The following MYO10 variants were observed in gnomAD, a reference collection of about 807,000 sequenced individuals.
The protein encoded by MYO10 is myosin X, also known as unconventional myosin-X.
Under a neutral mutation model 257.3 loss-of-function variants are expected in MYO10, and 133 were observed. That is an observed-to-expected ratio of 0.52 (90% CI 0.45 to 0.60). MYO10 has a LOEUF of 0.60. MYO10 is among the 20% of genes least tolerant of loss of function. The probability of loss-of-function intolerance (pLI) is 0.00; values close to 1 mark genes in which losing one functional copy is unlikely to be tolerated. For missense variants in MYO10, 2,399 were observed against 2,635.7 expected, an observed-to-expected ratio of 0.91 and a Z score of 1.97; for synonymous variants, 1,104 against 1,028.6, an observed-to-expected ratio of 1.07 and a Z score of -1.40.
intron 2 of MYO10, among the ~76,000 whole-genome samples, chr5:16,875,220 T>C (rs983903328): frequency 2.0e-5 from 3 of 152,178 alleles, no homozygotes; most frequent in African/African-American, 7.2e-5. Context: ...AACACAGTTT[T>C]GTTAAACGAA....
At position 16,668,850 on chromosome 5, in the gene MYO10, A is replaced by G. The variant is rs190713385; in HGVS notation, c.5884-382T>C. Among the ~76,000 whole-genome samples the G allele has an allele frequency of 3.3e-5, 5 of 152,252 alleles. No homozygotes were observed. In the East Asian group the frequency reaches 7.7e-4, roughly 24 times the overall value. Reference sequence around the variant, plus strand: ...CCAAGCCAAGTCTACTCTTGTATTAATATCTCCAGTTCTGCCTCCAATCCT... The same window carrying G: ...CCAAGCCAAGTCTACTCTTGTATTAGTATCTCCAGTTCTGCCTCCAATCCT... On this transcript the variant is annotated intron_variant, in intron 39 of 40. Coordinates refer to ENST00000513610, the MANE Select transcript of MYO10 (RefSeq NM_012334.3).
Position 16,680,039 on chromosome 5 carries a change from C to T in MYO10, c.4450G>A (p.Glu1484Lys). 3 of 1,613,890 alleles carry T rather than the reference C, an allele frequency of 1.9e-6. No individual in the cohort carries two copies. The highest frequency in any genetic ancestry group is 2.5e-6 in the Non-Finnish European group (3 of 1,179,812). Reference sequence around the variant, plus strand: ...ATGGCACTGGACCACCGGGTGGCCTCGTTGAGCAGCTTGGTGTAGAGCCGG... The same window carrying T: ...ATGGCACTGGACCACCGGGTGGCCTTGTTGAGCAGCTTGGTGTAGAGCCGG... ...CYRLYTKLLN[E>K]ATRWSSAIQN... Residue 1484 changes from glutamate to lysine, a missense_variant, in exon 33 of 41, where the codon GAG (glutamate) becomes AAG (lysine). By Grantham distance (56) the Glu-to-Lys change is moderately conservative (BLOSUM62 1). Coordinates refer to ENST00000513610, the MANE Select transcript of MYO10 (RefSeq NM_012334.3).
At chr5:16,873,170 G>A (rs1744497199) in intron 2 of MYO10, among the ~76,000 whole-genome samples, 1 of 152,104 alleles carries the variant, frequency 6.6e-6, no homozygotes, top group African/African-American at 2.4e-5. Context: ...ATATAATGAG[G>A]GTACAGGTAT....
rs962727329 is a variant in MYO10 at position 16,928,949 on chromosome 5, G to GT, written c.21+6838dup. ...CAAATCAAATAAAAATTAGTGGCAT[G>GT]TTTTTTTTTTGGTTTTTTTTTGAGA... On this transcript the variant is annotated intron_variant, in intron 1 of 40. Transcript: ENST00000513610. Among the ~76,000 whole-genome samples, 952 of 144,648 alleles carry GT rather than the reference G, an allele frequency of 6.6e-3. 13 individuals carry two copies. The highest frequency in any genetic ancestry group is 0.021 in the African/African-American group (852 of 39,682). 94.9% of individuals were successfully genotyped at this position (144,648 alleles called of 152,430 possible). A position where few individuals can be genotyped will look rare whatever the true frequency, so the allele number is the denominator to read the frequency against.
intron 1 of MYO10, among the ~76,000 whole-genome samples, chr5:16,921,778 A>G (rs1745993625): frequency 6.6e-6 from 1 of 152,160 alleles, no homozygotes; most frequent in Non-Finnish European, 1.5e-5. Context: ...GTCTGAAGAC[A>G]GTTGGTTGTC....
chr5:16,700,956 T>C lies in MYO10; in HGVS notation c.3432+7A>G. On this transcript the variant is annotated splice_region_variant and intron_variant, in intron 25 of 40. Coordinates refer to ENST00000513610, the MANE Select transcript of MYO10 (RefSeq NM_012334.3). ...ATTTCACTGGGACACGCCAGGCAGGTACTTACCGAGGACTGCGCCCCCTCA... is the reference window on the plus strand; with the variant it reads ...ATTTCACTGGGACACGCCAGGCAGGCACTTACCGAGGACTGCGCCCCCTCA... 1 of 1,543,746 alleles carries C rather than the reference T, an allele frequency of 6.5e-7. No homozygotes were observed. The highest frequency in any genetic ancestry group is 8.8e-7 in the Non-Finnish European group (1 of 1,141,874).
rs914076908 is a variant in MYO10, at chr5:16,713,562, G to A, written c.1930-2317C>T. The A allele has an allele frequency of 8.5e-5, 72 of 845,490 alleles. No homozygotes were observed. The Middle Eastern group carries it at 2.4e-3, about 29-fold the overall frequency. The allele number at this position is 845,490 out of a possible 1,614,324, so 52.4% of individuals were successfully genotyped here. The stretch of plus-strand genomic sequence containing the variant: ...TTTGACACAGCCAGGGGAGGGGAGG[G>A]AGGGAGCAAGGAGCGGCCTCGAGAT... On this transcript the variant is annotated intron_variant, in intron 19 of 40. Transcript: ENST00000513610.
At chr5:16,717,791 A>G (rs541905420) in intron 19 of MYO10, among the ~76,000 whole-genome samples, 2 of 152,226 alleles carry the variant, frequency 1.3e-5, no homozygotes, top group Non-Finnish European at 2.9e-5. Flanking sequence ...GCACACTGGC[A>G]GTCCTCAGAG....
chr5:16,669,923 T>G (rs1480678280), intron 39 of MYO10, among the ~76,000 whole-genome samples: 1 of 152,182 alleles, frequency 6.6e-6, no homozygotes, highest in Non-Finnish European at 1.5e-5. Flanking sequence ...AGGGAATATA[T>G]CTAAAGGAAT....
intron 2 of MYO10, among the ~76,000 whole-genome samples, chr5:16,848,637 T>C (rs1168852187): frequency 6.6e-6 from 1 of 151,828 alleles, no homozygotes; most frequent in East Asian, 1.9e-4. Context: ...CTCGTCGTTA[T>C]GGCTGCCATT....
In MYO10 at chr5:16,680,113, G is replaced by A; in HGVS notation, c.4385-9C>T. 6.2e-7 allele frequency: 1 copy of A among 1,606,112 alleles called. No homozygotes were observed. On this transcript the variant is annotated splice_polypyrimidine_tract_variant and intron_variant, in intron 32 of 40. Coordinates refer to ENST00000513610, the MANE Select transcript of MYO10 (RefSeq NM_012334.3). Reference sequence around the variant, plus strand: ...GGTGACGTTCCAGTAGCCTGCAATGGCAGGGGTGCCCAGCACACGCACGTC... The same window carrying A: ...GGTGACGTTCCAGTAGCCTGCAATGACAGGGGTGCCCAGCACACGCACGTC...
At chr5:16,754,483 T>C (rs775982476) in intron 19 of MYO10, among the ~76,000 whole-genome samples, 11 of 148,528 alleles carry the variant, frequency 7.4e-5, no homozygotes, top group Non-Finnish European at 1.5e-4. Flanking sequence ...AAAAAAAAAA[T>C]CAGCCACCAC....
intron 3 of MYO10, chr5:16,815,527 A>C: frequency 3.0e-6 from 2 of 674,982 alleles, no homozygotes; most frequent in Non-Finnish European, 5.3e-6. Flanking sequence ...CAACTACAAG[A>C]CTTTGTAATA....
At chr5:16,866,283 G>C (rs1744247232) in intron 2 of MYO10, among the ~76,000 whole-genome samples, 4 of 152,136 alleles carry the variant, frequency 2.6e-5, no homozygotes, top group African/African-American at 9.7e-5. Context: ...CTATTTTAGG[G>C]ATACGCTTTG....
intron 1 of MYO10, among the ~76,000 whole-genome samples, chr5:16,909,627 C>A (rs1051474084): frequency 1.3e-5 from 2 of 151,974 alleles, no homozygotes; most frequent in Admixed American, 6.6e-5. Flanking sequence ...CCTCCAACGA[C>A]ACATGGGGAT....
At chr5:16,881,628 C>G (rs956640518) in intron 1 of MYO10, among the ~76,000 whole-genome samples, 3 of 152,224 alleles carry the variant, frequency 2.0e-5, no homozygotes, top group African/African-American at 7.2e-5. Flanking sequence ...AAAGTATTAA[C>G]TGGCAATTTT....
chr5:16,755,501 A>G (rs1740503189), intron 18 of MYO10, among the ~76,000 whole-genome samples: 1 of 152,214 alleles, frequency 6.6e-6, no homozygotes, highest in Non-Finnish European at 1.5e-5. Context: ...TTCTGTCAAC[A>G]AACAAAAATC....
chr5:16,785,627 T>C (rs533099088), intron 4 of MYO10, among the ~76,000 whole-genome samples: 1 of 152,246 alleles, frequency 6.6e-6, no homozygotes, highest in African/African-American at 2.4e-5. Context: ...CCCAGCACCA[T>C]GGGAGGCTGA....
intron 4 of MYO10, among the ~76,000 whole-genome samples, chr5:16,793,716 G>A (rs1032561487): frequency 6.6e-6 from 1 of 152,206 alleles, no homozygotes. Context: ...GATCACCTGA[G>A]GTCGGGAGTT....
Sources: gnomAD v4.1 joint callset for allele counts (sites outside exome capture counted in the v4.1 genomes callset) on GRCh38, gnomAD v4.1.1 for gene constraint, MANE v1.5 for transcripts, NCBI Gene and HGNC (gene_info 2026-07-23, HGNC 2026-07-21) for gene names.